Variants in THTPA observed in about 807,000 individuals in gnomAD.
THTPA encodes thiamine triphosphatase.
THTPA carries 16 observed loss-of-function variants against 16.5 expected under a neutral mutation model. The ratio of observed to expected loss-of-function variants is 0.97; its 90% confidence interval spans 0.66 to 1.47. The LOEUF is 1.47. THTPA is among the 40% of genes most tolerant of loss of function. THTPA has a pLI of 0.00. For missense variants in THTPA, 281 were observed against 280.9 expected, an observed-to-expected ratio of 1.00 and a Z score of 0.00; for synonymous variants, 110 against 115.5, an observed-to-expected ratio of 0.95 and a Z score of 0.30.
the THTPA span, chr14:23,524,989 G>A: frequency 3.3e-6 from 5 of 1,536,048 alleles, no homozygotes. This position sits in a 1 kb window ranked among gnomAD's most constrained non-coding sequence, Gnocchi z 5.6. Context: ...AGGCATTTTT[G>A]CGTGCTTTCT....
rs1303416951 is a variant in THTPA at position 23,556,699 on chromosome 14, C to T, written c.-59C>T. On this transcript the variant is annotated 5_prime_UTR_variant, in exon 1 of 2. Transcript: ENST00000288014. Reference sequence around the variant, plus strand: ...CTGAGTTGACGCCCCAGGAGCTGAGCACCAGGCTTTGCATCCTTGGGAACT... The same window carrying T: ...CTGAGTTGACGCCCCAGGAGCTGAGTACCAGGCTTTGCATCCTTGGGAACT... The T allele has an allele frequency of 6.5e-7, 1 of 1,547,596 alleles. No homozygotes were observed. Among genetic ancestry groups the T allele is most frequent in the Non-Finnish European group, 8.7e-7 (1 of 1,145,480 alleles).
the THTPA span, chr14:23,534,925 C>T: frequency 2.0e-6 from 3 of 1,536,204 alleles, no homozygotes; most frequent in South Asian, 3.6e-5. This position sits in a 1 kb window ranked among gnomAD's most constrained non-coding sequence, Gnocchi z 4.5. Context: ...CAGGAGTTCA[C>T]TGCCACCTGG....
At chr14:23,528,024 C>T in the THTPA span, among the ~76,000 whole-genome samples, 1 of 151,758 alleles carries the variant, frequency 6.6e-6, no homozygotes, top group Non-Finnish European at 1.5e-5. Context: ...CTCCTGCCCT[C>T]AGCCTCCCAA....
Position 23,558,679 on chromosome 14 carries a change from G to T in THTPA, c.548-16G>T, listed in dbSNP as rs779416057. 1.9e-6 allele frequency: 3 copies of T among 1,613,994 alleles called. No homozygotes were observed. In the African/African-American group the frequency reaches 4.0e-5, roughly 22 times the overall value. ...GGCTCTGTCCATTTCTCTCCTCATTGTCCTTTTACCTGTAGGTGTGCCTGC... is the reference window on the plus strand; with the variant it reads ...GGCTCTGTCCATTTCTCTCCTCATTTTCCTTTTACCTGTAGGTGTGCCTGC... On this transcript the variant is annotated splice_polypyrimidine_tract_variant and intron_variant, in intron 1 of 1. Coordinates refer to ENST00000288014, the MANE Select transcript of THTPA (RefSeq NM_024328.6).
At chr14:23,525,383 C>G in the THTPA span, 1 of 1,536,052 alleles carries the variant, frequency 6.5e-7, no homozygotes, top group Non-Finnish European at 8.7e-7. This position sits in a 1 kb window ranked among gnomAD's most constrained non-coding sequence, Gnocchi z 5.9. Context: ...ATAGCTCTTT[C>G]GAAACTGAGC....
Position 23,557,050 on chromosome 14 carries a change from C to G in THTPA, c.293C>G (p.Ala98Gly). The G allele has an allele frequency of 6.2e-7, 1 of 1,614,242 alleles. No homozygotes were observed. The highest frequency in any genetic ancestry group is 8.5e-7 in the Non-Finnish European group (1 of 1,180,044). Residue 98 changes from alanine to glycine, a missense_variant, in exon 1 of 2, where the codon GCT (alanine) becomes GGT (glycine). By Grantham distance (60) the Ala-to-Gly change is moderately conservative. Transcript: ENST00000288014. ...IVAQLCKVLR[A>G]DGLGAGDVAA... Reference sequence around the variant, plus strand: ...GCCCAACTCTGTAAGGTGCTGCGGGCTGACGGCCTGGGGGCTGGAGATGTG... The same window carrying G: ...GCCCAACTCTGTAAGGTGCTGCGGGGTGACGGCCTGGGGGCTGGAGATGTG...
At chr14:23,552,792 G>T (rs890028302), upstream of THTPA, among the ~76,000 whole-genome samples, 1 of 151,766 alleles carries the variant, frequency 6.6e-6, no homozygotes, top group African/African-American at 2.4e-5. Context: ...GTAGAGACGG[G>T]GGTTTCACCA....
the THTPA span, chr14:23,522,434 G>C: frequency 6.5e-7 from 1 of 1,536,478 alleles, no homozygotes; most frequent in Non-Finnish European, 8.7e-7. Flanking sequence ...AGGAGGCTTT[G>C]GAGGTGCTGT....
the THTPA span, chr14:23,533,373 C>T: frequency 2.1e-6 from 3 of 1,455,110 alleles, no homozygotes; most frequent in Admixed American, 2.6e-5. This position sits in a 1 kb window ranked among gnomAD's most constrained non-coding sequence, Gnocchi z 4.8. Flanking sequence ...CTGGCCTCAG[C>T]CCCGGGCCAG....
chr14:23,527,074 T>C, the THTPA span: 1 of 1,391,522 alleles, frequency 7.2e-7, no homozygotes, highest in Non-Finnish European at 9.3e-7. Context: ...CCGAGATCCC[T>C]TGCCACAGAT....
In THTPA at chr14:23,556,287, T is replaced by C. The variant is rs1882364257; in HGVS notation, c.-471T>C. The C allele has an allele frequency of 6.4e-6, 1 of 156,918 alleles. No individual in the cohort carries two copies. The highest frequency in any genetic ancestry group is 2.4e-5 in the African/African-American group (1 of 41,522). The allele number at this position is 156,918 out of a possible 1,614,324, so 9.7% of individuals were successfully genotyped here. On this transcript the variant is annotated 5_prime_UTR_variant, in exon 1 of 2. It removes an upstream start codon present in the reference 5' UTR. Transcript: ENST00000288014. ...GCTCCCGGCATTCCTCGCGAGTGTA[T>C]GGCGTGGGCTCCCTTCCCCCTCTGT...
At chr14:23,524,174 C>T in the THTPA span, 7 of 1,535,972 alleles carry the variant, frequency 4.6e-6, no homozygotes, top group South Asian at 1.2e-5. The surrounding 1 kb of genome is among the most constrained non-coding windows in gnomAD (Gnocchi z 5.6). Flanking sequence ...ACTAGGCACC[C>T]CCCCAGGGGT....
Position 23,557,309 on chromosome 14 carries a change from G to T in THTPA, c.547+5G>T. Reference sequence around the variant, plus strand: ...ACAGGCTCAGCAGCATGCTTGGTGAGGGAGACAGGCCCTTTTGTGCTTTTC... The same window carrying T: ...ACAGGCTCAGCAGCATGCTTGGTGATGGAGACAGGCCCTTTTGTGCTTTTC... On this transcript the variant is annotated splice_donor_5th_base_variant and intron_variant, in intron 1 of 1. Coordinates refer to ENST00000288014, the MANE Select transcript of THTPA (RefSeq NM_024328.6). 6.3e-7 allele frequency: 1 copy of T among 1,584,686 alleles called. No individual in the cohort carries two copies.
At chr14:23,523,842 A>G in the THTPA span, 2 of 1,536,206 alleles carry the variant, frequency 1.3e-6, no homozygotes, top group South Asian at 2.4e-5. The surrounding 1 kb of genome is among the most constrained non-coding windows in gnomAD (Gnocchi z 4.1). Context: ...CTGGAAGCAG[A>G]TGAATCACTC....
the THTPA span, chr14:23,533,505 G>A: frequency 3.3e-6 from 5 of 1,535,972 alleles, no homozygotes; most frequent in Admixed American, 2.0e-5. The surrounding 1 kb of genome is among the most constrained non-coding windows in gnomAD (Gnocchi z 4.8). Context: ...CAGGTGGCAG[G>A]CCCAGCGGCA....
At chr14:23,524,150 G>A in the THTPA span, 137 of 1,535,970 alleles carry the variant, frequency 8.9e-5, no homozygotes, top group African/African-American at 1.5e-3. The surrounding 1 kb of genome is among the most constrained non-coding windows in gnomAD (Gnocchi z 5.6). Flanking sequence ...TGTGGCAGGC[G>A]GTTTCACTGC....
At chr14:23,535,237 G>A in the THTPA span, 1 of 1,520,126 alleles carries the variant, frequency 6.6e-7, no homozygotes, top group African/African-American at 1.4e-5. This position sits in a 1 kb window ranked among gnomAD's most constrained non-coding sequence, Gnocchi z 4.5. Context: ...GGGGGTGCTG[G>A]AGGAGAAGGT....
the THTPA span, among the ~76,000 whole-genome samples, chr14:23,515,517 A>AG: frequency 8.5e-5 from 13 of 152,208 alleles, no homozygotes; most frequent in Non-Finnish European, 1.8e-4. Flanking sequence ...TCCCTGGTAG[A>AG]GGGGAAGGCC....
chr14:23,559,338 C>T lies in THTPA; in HGVS notation c.*498C>T. 1 of 233,214 alleles carries T rather than the reference C, an allele frequency of 4.3e-6. No individual in the cohort carries two copies. Among genetic ancestry groups the T allele is most frequent in the Non-Finnish European group, 8.6e-6 (1 of 116,608 alleles). The allele number at this position is 233,214 out of a possible 1,614,324, so 14.4% of individuals were successfully genotyped here. A position where few individuals can be genotyped will look rare whatever the true frequency, so the allele number is the denominator to read the frequency against. On this transcript the variant is annotated 3_prime_UTR_variant, in exon 2 of 2. Coordinates refer to ENST00000288014, the MANE Select transcript of THTPA (RefSeq NM_024328.6). The stretch of plus-strand genomic sequence containing the variant: ...CTCTAGAAATTCTAATCTGACTTTG[C>T]CACTGTGCCCAGCTCTGGCCCAGAG...
Sources: gnomAD v4.1 joint callset for allele counts (sites outside exome capture counted in the v4.1 genomes callset) on GRCh38, gnomAD v4.1.1 for gene constraint, Gnocchi (gnomAD v3.1) non-coding constraint, MANE v1.5 for transcripts, NCBI Gene and HGNC (gene_info 2026-07-23, HGNC 2026-07-21) for gene names.